FAM135B: variants seen among roughly 807,000 people sequenced by gnomAD.
The protein encoded by FAM135B is protein FAM135B.
FAM135B carries 43 observed loss-of-function variants against 127.7 expected under a neutral mutation model. The observed-to-expected ratio is 0.34, with a 90% CI of 0.26 to 0.43. The LOEUF is 0.43. FAM135B is among the 20% of genes least tolerant of loss of function. The pLI is 1.00. For missense variants in FAM135B, 1,558 were observed against 1,725.6 expected, an observed-to-expected ratio of 0.90 and a Z score of 1.72; for synonymous variants, 670 against 665.1, an observed-to-expected ratio of 1.01 and a Z score of -0.11.
At chr8:138,371,808 A>G (rs892292870) in intron 1 of FAM135B, among the ~76,000 whole-genome samples, 1 of 152,202 alleles carries the variant, frequency 6.6e-6, no homozygotes, top group African/African-American at 2.4e-5. Context: ...ACTTCCTACT[A>G]CAACCAGTGC....
At chr8:138,450,993 A>G (rs1206825420) in intron 1 of FAM135B, among the ~76,000 whole-genome samples, 3 of 152,210 alleles carry the variant, frequency 2.0e-5, no homozygotes, top group African/African-American at 4.8e-5. Flanking sequence ...GACAATTATC[A>G]CAAAACTAAT....
chr8:138,217,544 C>T (rs538135095), intron 7 of FAM135B, among the ~76,000 whole-genome samples: 7 of 151,232 alleles, frequency 4.6e-5, no homozygotes, highest in African/African-American at 1.7e-4. Flanking sequence ...CATTCTCCTG[C>T]CTCAGCCTCC....
At chr8:138,168,130 A>G in intron 11 of FAM135B, 81 bp from the exon 12 acceptor site, 1 of 1,456,604 alleles carries the variant, frequency 6.9e-7, no homozygotes, top group Non-Finnish European at 9.2e-7. Flanking sequence ...TAATCCCGGG[A>G]AAATACTCGG....
At chr8:138,245,864 A>G (rs1464108862) in intron 6 of FAM135B, among the ~76,000 whole-genome samples, 1 of 152,018 alleles carries the variant, frequency 6.6e-6, no homozygotes, top group Admixed American at 6.5e-5. Flanking sequence ...AAGATGTGGT[A>G]AAGTTTGGAA....
Position 138,250,938 on chromosome 8 carries a change from G to A in FAM135B, c.445C>T (p.His149Tyr), listed in dbSNP as rs2130486774. 6.2e-7 allele frequency: 1 copy of A among 1,613,906 alleles called. No homozygotes were observed. Residue 149 changes from histidine to tyrosine, a missense_variant, in exon 6 of 20, where the codon CAC (histidine) becomes TAC (tyrosine). Transcript: ENST00000395297. ...TCGAACATGACCGGGACCTGGTGGT[G>A]CAGACCATTCCGGGGGTGGAAGTGC... Reference protein sequence around the residue: ...GLHFHPRNGLHHQVPVMFDYF... With the variant: ...GLHFHPRNGLYHQVPVMFDYF...
chr8:138,364,134 A>C (rs1288782641), intron 2 of FAM135B, among the ~76,000 whole-genome samples: 3 of 152,194 alleles, frequency 2.0e-5, no homozygotes, highest in Non-Finnish European at 4.4e-5. Flanking sequence ...GATTGTAGCC[A>C]TGCCCTCTCC....
chr8:138,482,306 G>T (rs1013208665), intron 1 of FAM135B, among the ~76,000 whole-genome samples: 2 of 151,996 alleles, frequency 1.3e-5, no homozygotes, highest in Non-Finnish European at 2.9e-5. Context: ...ACGTGGCCAC[G>T]AGGGCCATCA....
chr8:138,376,828 T>C (rs1389126828), intron 1 of FAM135B, among the ~76,000 whole-genome samples: 5 of 152,188 alleles, frequency 3.3e-5, no homozygotes, highest in Admixed American at 6.5e-5. Flanking sequence ...ACCTTCAACA[T>C]AGATGGCAGA....
At chr8:138,162,837 C>A (rs1162220148) in intron 12 of FAM135B, among the ~76,000 whole-genome samples, 1 of 151,990 alleles carries the variant, frequency 6.6e-6, no homozygotes, top group African/African-American at 2.4e-5. Context: ...GAGAGAGAAC[C>A]CACGCCATAG....
intron 1 of FAM135B, among the ~76,000 whole-genome samples, chr8:138,453,651 T>G (rs1344133073): frequency 1.3e-5 from 2 of 152,146 alleles, no homozygotes; most frequent in Non-Finnish European, 2.9e-5. Flanking sequence ...TCCAGGTCAC[T>G]CCATAGAACC....
intron 11 of FAM135B, among the ~76,000 whole-genome samples, chr8:138,175,283 C>T (rs549923819): frequency 6.6e-6 from 1 of 151,772 alleles, no homozygotes; most frequent in South Asian, 2.1e-4. Flanking sequence ...CCTCCCCTCT[C>T]CTACTTTCTC....
intron 1 of FAM135B, among the ~76,000 whole-genome samples, chr8:138,431,717 T>C (rs1222513240): frequency 1.3e-5 from 2 of 152,218 alleles, no homozygotes; most frequent in Non-Finnish European, 2.9e-5. Context: ...CAATATCATG[T>C]CCTGAATCAC....
chr8:138,245,735 A>G (rs1415028449), intron 6 of FAM135B, among the ~76,000 whole-genome samples: 1 of 152,170 alleles, frequency 6.6e-6, no homozygotes, highest in Non-Finnish European at 1.5e-5. Flanking sequence ...AAAATGTGGG[A>G]GTGACTTTAG....
At chr8:138,155,885 A>T (rs1818683682) in intron 12 of FAM135B, among the ~76,000 whole-genome samples, 1 of 152,148 alleles carries the variant, frequency 6.6e-6, no homozygotes, top group African/African-American at 2.4e-5. Context: ...TAGACAGATG[A>T]ACGAGACAGA....
At chr8:138,349,136 C>A (rs994958730) in intron 2 of FAM135B, among the ~76,000 whole-genome samples, 2 of 152,240 alleles carry the variant, frequency 1.3e-5, no homozygotes, top group Non-Finnish European at 2.9e-5. Flanking sequence ...AGGAAACCCC[C>A]TTCAGTTCAC....
intron 9 of FAM135B, among the ~76,000 whole-genome samples, chr8:138,189,641 C>T (rs900290150): frequency 1.3e-5 from 2 of 152,142 alleles, no homozygotes; most frequent in African/African-American, 4.8e-5. Flanking sequence ...CTGAGCATCC[C>T]AAAGTACTCA....
chr8:138,483,323 C>T (rs1310876432), intron 1 of FAM135B, among the ~76,000 whole-genome samples: 1 of 152,192 alleles, frequency 6.6e-6, no homozygotes, highest in Non-Finnish European at 1.5e-5. Flanking sequence ...TCCTGGGTAA[C>T]ACAGCTAACC....
At chr8:138,146,670 G>T (rs1817682342) in intron 14 of FAM135B, among the ~76,000 whole-genome samples, 1 of 151,890 alleles carries the variant, frequency 6.6e-6, no homozygotes, top group African/African-American at 2.4e-5. Context: ...AAGAATACAG[G>T]AAATGCATTC....
intron 7 of FAM135B, among the ~76,000 whole-genome samples, chr8:138,219,517 G>A (rs1818859094): frequency 6.6e-6 from 1 of 152,156 alleles, no homozygotes; most frequent in African/African-American, 2.4e-5. Flanking sequence ...CACCCAGTGA[G>A]GATCATAAAA....
Sources: allele counts gnomAD v4.1 joint callset (sites outside exome capture counted in the v4.1 genomes callset), GRCh38; gene constraint gnomAD v4.1.1; transcripts MANE v1.5; gene names NCBI Gene and HGNC (gene_info 2026-07-23, HGNC 2026-07-21).